RBM19: variants seen among roughly 807,000 people sequenced by gnomAD.
RBM19 encodes the protein RNA binding motif protein 19.
A neutral mutation model predicts 116.8 loss-of-function variants in RBM19; 94 were observed. The observed-to-expected ratio is 0.80, with a 90% confidence interval of 0.68 to 0.95. The LOEUF is 0.95. Among genes scored for constraint, RBM19 ranks in the 40% least tolerant of loss-of-function variants. The probability of loss-of-function intolerance (pLI) is 0.00; values close to 1 mark genes in which losing one functional copy is unlikely to be tolerated. For missense variants in RBM19, 1,161 were observed against 1,220.7 expected (o/e 0.95, Z 0.73); for synonymous variants, 475 against 494.1 (o/e 0.96, Z 0.51).
At chr12:113,963,125 G>A (rs933477063) in intron 1 of RBM19, among the ~76,000 whole-genome samples, 10 of 152,198 alleles carry the variant, frequency 6.6e-5, no homozygotes, top group Admixed American at 6.5e-4. Context: ...CTTCCAGAAG[G>A]ACTGCAGCCC....
At chr12:113,943,494 ATTT>A (rs11422548) in intron 13 of RBM19, among the ~76,000 whole-genome samples, 1 of 150,426 alleles carries the variant, frequency 6.6e-6, no homozygotes, top group African/African-American at 2.4e-5. Context: ...ATAGCTTGCA[ATTT>A]TTTTTTTTAA....
chr12:113,820,532 C>T (rs1187517308), downstream of RBM19, among the ~76,000 whole-genome samples: 6 of 152,174 alleles, frequency 3.9e-5, no homozygotes. Flanking sequence ...ACTTTCCATG[C>T]GTCAGGGAGG....
intron 16 of RBM19, among the ~76,000 whole-genome samples, chr12:113,927,823 G>A (rs1438072306): frequency 6.6e-6 from 1 of 152,108 alleles, no homozygotes; most frequent in Admixed American, 6.5e-5. Flanking sequence ...TCAGAGTTAT[G>A]CATCACAGGG....
At chr12:113,820,104 A>G (rs898316696), downstream of RBM19, among the ~76,000 whole-genome samples, 8 of 152,012 alleles carry the variant, frequency 5.3e-5, no homozygotes, top group African/African-American at 1.7e-4. Context: ...CTGCAGACGA[A>G]CTGATCAGGA....
intron 22 of RBM19, among the ~76,000 whole-genome samples, chr12:113,854,889 G>C (rs902347282): frequency 6.6e-6 from 1 of 152,330 alleles, no homozygotes; most frequent in African/African-American, 2.4e-5. Flanking sequence ...AGGTTGGGGT[G>C]GGGCAGTGCG....
At chr12:113,845,866 C>T (rs951354113) in intron 22 of RBM19, among the ~76,000 whole-genome samples, 2 of 152,116 alleles carry the variant, frequency 1.3e-5, no homozygotes, top group African/African-American at 2.4e-5. Flanking sequence ...AAGGACAGAC[C>T]CCGCAGGTCC....
chr12:113,862,227 C>A (rs1878456440), intron 21 of RBM19, among the ~76,000 whole-genome samples: 1 of 152,306 alleles, frequency 6.6e-6, no homozygotes, highest in Non-Finnish European at 1.5e-5. Flanking sequence ...ATCCATGCCT[C>A]TGTTTTACAG....
At chr12:113,938,401 A>G (rs1389706811) in intron 15 of RBM19, among the ~76,000 whole-genome samples, 1 of 110,426 alleles carries the variant, frequency 9.1e-6, no homozygotes, top group Admixed American at 7.9e-5. Flanking sequence ...AAATGGGGAC[A>G]TGAATATCTA....
intron 22 of RBM19, among the ~76,000 whole-genome samples, chr12:113,849,777 G>C (rs1365075520): frequency 6.6e-6 from 1 of 152,188 alleles, no homozygotes; most frequent in Admixed American, 6.5e-5. Flanking sequence ...GCTCTTGGGA[G>C]CACTTCCTGC....
chr12:113,952,457 C>G (rs947767573), intron 8 of RBM19, 55 bp downstream of exon 8: 5 of 1,487,026 alleles, frequency 3.4e-6, no homozygotes, highest in Middle Eastern at 3.5e-4. Context: ...AGTACCCCAA[C>G]CTTCAATCTT....
Position 113,823,116 on chromosome 12 carries a change from C to T in RBM19, c.*108G>A. The T allele has an allele frequency of 1.9e-6, 2 of 1,036,902 alleles. No homozygotes were observed. Among genetic ancestry groups the T allele is most frequent in the Admixed American group, 2.3e-5 (1 of 43,848 alleles). 64.2% of individuals were successfully genotyped at this position (1,036,902 alleles called of 1,614,324 possible). A position where few individuals can be genotyped will look rare whatever the true frequency, so the allele number is the denominator to read the frequency against. The stretch of plus-strand genomic sequence containing the variant: ...TTGGACCAGTGCAGGGTGGGGCCGC[C>T]TGCCGCTCCCCGCCCCGCCCCCCAG... On this transcript the variant is annotated 3_prime_UTR_variant, in exon 24 of 24. Coordinates refer to ENST00000261741, the MANE Select transcript of RBM19 (RefSeq NM_016196.4).
rs1881509040 is a variant in RBM19 at position 113,898,886 on chromosome 12, G to A, written c.2558+16083C>T. Among the ~76,000 whole-genome samples the A allele has an allele frequency of 6.6e-6, 1 of 152,112 alleles. No homozygotes were observed. Among genetic ancestry groups the A allele is most frequent in the Non-Finnish European group, 1.5e-5 (1 of 68,026 alleles). Reference sequence around the variant, plus strand: ...ATGTTGTTAATTTGAATTTTATTGAGTTTAAATTTTGTTTGTATTTAACGT... The same window carrying A: ...ATGTTGTTAATTTGAATTTTATTGAATTTAAATTTTGTTTGTATTTAACGT... On this transcript the variant is annotated intron_variant, in intron 21 of 23. Coordinates refer to ENST00000261741, the MANE Select transcript of RBM19 (RefSeq NM_016196.4). This position sits in a 1 kb window ranked among gnomAD's most constrained non-coding sequence, Gnocchi z 4.3.
At chr12:113,892,325 A>AGCC in intron 21 of RBM19, among the ~76,000 whole-genome samples, 1 of 152,144 alleles carries the variant, frequency 6.6e-6, no homozygotes. Context: ...TATTAATACC[A>AGCC]GCCCTGCCTC....
At chr12:113,928,330 C>T (rs1869292875) in intron 16 of RBM19, among the ~76,000 whole-genome samples, 3 of 151,396 alleles carry the variant, frequency 2.0e-5, no homozygotes, top group Non-Finnish European at 4.4e-5. Flanking sequence ...GAGTGAGACT[C>T]CATCTCAAAA....
At chr12:113,831,353 G>A (rs932326492) in intron 23 of RBM19, among the ~76,000 whole-genome samples, 1 of 152,048 alleles carries the variant, frequency 6.6e-6, no homozygotes, top group Non-Finnish European at 1.5e-5. Flanking sequence ...TTTTCCTTGG[G>A]TTTCTCCAGG....
At chr12:113,919,860 T>C (rs1883003818) in intron 19 of RBM19, among the ~76,000 whole-genome samples, 1 of 151,772 alleles carries the variant, frequency 6.6e-6, no homozygotes, top group African/African-American at 2.4e-5. Flanking sequence ...CCAGCCATCG[T>C]CCCCTCTCCA....
At chr12:113,938,073 T>G (rs1593616776) in intron 15 of RBM19, among the ~76,000 whole-genome samples, 1 of 152,072 alleles carries the variant, frequency 6.6e-6, no homozygotes. Flanking sequence ...ATGTGCAAAA[T>G]GAAGACAGCA....
At chr12:113,858,641 T>A (rs1371282983) in intron 22 of RBM19, 150 bp downstream of exon 22, 7 of 678,530 alleles carry the variant, frequency 1.0e-5, no homozygotes, top group Non-Finnish European at 1.8e-5. Flanking sequence ...TCTCCAAGGA[T>A]GTTGTACACA....
chr12:113,858,726 C>G, intron 22 of RBM19, 65 bp downstream of exon 22: 1 of 1,496,904 alleles, frequency 6.7e-7, no homozygotes, highest in Non-Finnish European at 9.3e-7. Flanking sequence ...GCCTGGCTGT[C>G]TCTCCTACAA....
Sources: gnomAD v4.1 joint callset for allele counts (sites outside exome capture counted in the v4.1 genomes callset) on GRCh38, gnomAD v4.1.1 for gene constraint, Gnocchi (gnomAD v3.1) non-coding constraint, MANE v1.5 for transcripts, NCBI Gene and HGNC (gene_info 2026-07-23, HGNC 2026-07-21) for gene names.